Variants in PIGK observed in about 807,000 individuals in gnomAD.
The protein encoded by PIGK is phosphatidylinositol glycan anchor biosynthesis class K, also known as GPI-anchor transamidase.
In PIGK, 42 loss-of-function variants were observed where a neutral mutation model predicts 50.6. The ratio of observed to expected loss-of-function variants is 0.83; its 90% CI spans 0.65 to 1.07. The LOEUF (loss-of-function observed/expected upper bound fraction) is 1.07. Ranked by LOEUF, PIGK falls within the 50% of genes least tolerant of loss-of-function variation. The pLI, the probability that PIGK is intolerant of heterozygous loss-of-function variation, is 0.00. For missense variants in PIGK, 448 were observed against 488.7 expected (o/e 0.92, Z 0.78); for synonymous variants, 151 against 156.0 (o/e 0.97, Z 0.24).
At chr1:77,206,350 A>T (rs1421568579) in intron 3 of PIGK, among the ~76,000 whole-genome samples, 1 of 152,218 alleles carries the variant, frequency 6.6e-6, no homozygotes, top group Non-Finnish European at 1.5e-5. Context: ...CATTATCTGC[A>T]ATTAAAAACC....
Position 77,206,765 on chromosome 1 carries a change from CAT to C in PIGK, c.148-36_148-35del, listed in dbSNP as rs761118130. 8.0e-6 allele frequency: 10 copies of C among 1,250,652 alleles called. No individual in the cohort carries two copies. In the African/African-American group the frequency reaches 1.3e-4, roughly 17 times the overall value. 77.5% of individuals were successfully genotyped at this position (1,250,652 alleles called of 1,614,324 possible). A position where few individuals can be genotyped will look rare whatever the true frequency, so the allele number is the denominator to read the frequency against. Reference sequence around the variant, plus strand: ...TTAAAACAAAAACAGAATTTTTATGCATCAAGGCTAACCATGGAGCTGCAGAG... The same window carrying C: ...TTAAAACAAAAACAGAATTTTTATGCCAAGGCTAACCATGGAGCTGCAGAG... On this transcript the variant is annotated intron_variant, in intron 2 of 10. Transcript: ENST00000370812.
intron 8 of PIGK, 137 bp downstream of exon 8, chr1:77,161,158 G>A (rs1655119276): frequency 1.6e-6 from 1 of 613,566 alleles, no homozygotes; most frequent in South Asian, 2.1e-5. Context: ...CAGGTAAAAG[G>A]TAGATATCAA....
chr1:77,219,376 C>G lies in PIGK; in HGVS notation c.27G>C (p.Arg9=). 1.9e-6 allele frequency: 3 copies of G among 1,613,734 alleles called. No individual in the cohort carries two copies. The highest frequency in any genetic ancestry group is 2.5e-6 in the Non-Finnish European group (3 of 1,179,828). MAVTDSLS[R]AATVLATVLL... ...ACACAGTTGCCAAGACAGTCGCAGC[C>G]CGGCTGAGGCTGTCGGTGACGGCCA... Residue 9 remains arginine, a synonymous_variant, in exon 1 of 11, where the codon CGG becomes CGC. Transcript: ENST00000370812.
chr1:77,094,092 TCAAA>T (rs1336578971), intron 10 of PIGK, among the ~76,000 whole-genome samples: 3 of 152,176 alleles, frequency 2.0e-5, no homozygotes, highest in African/African-American at 7.2e-5. Context: ...TTTCTACTAG[TCAAA>T]CAATTTGTAA....
intron 3 of PIGK, among the ~76,000 whole-genome samples, chr1:77,202,036 C>G (rs1230420950): frequency 1.4e-5 from 2 of 139,518 alleles, no homozygotes; most frequent in East Asian, 4.0e-4. Context: ...CCACCCAGGG[C>G]AATGGAGTGA....
intron 3 of PIGK, among the ~76,000 whole-genome samples, chr1:77,172,292 T>G (rs911834300): frequency 1.3e-5 from 2 of 152,192 alleles, no homozygotes; most frequent in Non-Finnish European, 2.9e-5. Context: ...ACCCATATAC[T>G]GCCAAGTGCT....
intron 2 of PIGK, 93 bp from the exon 3 acceptor site, chr1:77,206,824 T>G: frequency 2.8e-6 from 2 of 714,492 alleles, no homozygotes; most frequent in Non-Finnish European, 4.9e-6. Context: ...CAGAGATCTC[T>G]AAGAAACAGT....
intron 3 of PIGK, among the ~76,000 whole-genome samples, chr1:77,205,636 G>A (rs895543128): frequency 1.3e-5 from 2 of 151,946 alleles, no homozygotes; most frequent in African/African-American, 4.8e-5. Flanking sequence ...GTGACTTAAA[G>A]AAAAATCACC....
chr1:77,218,734 T>C lies in PIGK; in HGVS notation c.93+576A>G, dbSNP rs533009250. Among the ~76,000 whole-genome samples, 212 of 152,236 alleles carry C rather than the reference T, an allele frequency of 1.4e-3. 1 individual carries two copies. The highest frequency in any genetic ancestry group is 6.8e-3 in the Middle Eastern group (2 of 294). On this transcript the variant is annotated intron_variant, in intron 1 of 10. Transcript: ENST00000370812. ...AGTATGGTGAATAGTAAAAGCATTA[T>C]AGAGCACCAGAACATCCTGTGTCCA...
intron 10 of PIGK, among the ~76,000 whole-genome samples, chr1:77,116,558 G>A (rs1469155241): frequency 9.0e-6 from 1 of 111,694 alleles, no homozygotes; most frequent in Non-Finnish European, 2.0e-5. Context: ...GTTTAAATGT[G>A]TCTCTGTGTG....
chr1:77,186,338 G>C (rs1383433717), intron 3 of PIGK, among the ~76,000 whole-genome samples: 1 of 152,222 alleles, frequency 6.6e-6, no homozygotes, highest in Non-Finnish European at 1.5e-5. Context: ...CAGCGGTAAA[G>C]GGAAATCTCC....
chr1:77,169,637 A>T (rs1378441492), intron 3 of PIGK, among the ~76,000 whole-genome samples: 2 of 152,102 alleles, frequency 1.3e-5, no homozygotes, highest in Non-Finnish European at 2.9e-5. Context: ...TTTTTTTCAT[A>T]TCCTTGTGTG....
intron 10 of PIGK, among the ~76,000 whole-genome samples, chr1:77,119,096 A>T (rs1378091871): frequency 6.6e-6 from 1 of 152,158 alleles, no homozygotes; most frequent in Non-Finnish European, 1.5e-5. Flanking sequence ...TAATATTCTG[A>T]TATCCGGTAA....
intron 9 of PIGK, among the ~76,000 whole-genome samples, chr1:77,125,482 TCA>T (rs1414293430): frequency 6.6e-6 from 1 of 152,210 alleles, no homozygotes; most frequent in Non-Finnish European, 1.5e-5. Context: ...AAATGATTAC[TCA>T]TTTTTATAAT....
chr1:77,164,968 G>A (rs1261211100), intron 5 of PIGK, among the ~76,000 whole-genome samples: 1 of 152,100 alleles, frequency 6.6e-6, no homozygotes, highest in Non-Finnish European at 1.5e-5. Flanking sequence ...AAAAGATCAG[G>A]TAGTAAATAT....
chr1:77,214,497 C>T (rs886335840), intron 1 of PIGK, among the ~76,000 whole-genome samples: 6 of 152,024 alleles, frequency 3.9e-5, no homozygotes, highest in Non-Finnish European at 5.9e-5. Context: ...ATAGAAGGAA[C>T]ACACCTAAAC....
chr1:77,138,702 C>T (rs1272954952), intron 9 of PIGK, among the ~76,000 whole-genome samples: 1 of 152,184 alleles, frequency 6.6e-6, no homozygotes, highest in African/African-American at 2.4e-5. Context: ...GATTAGCTTG[C>T]TTTCTCAAAT....
intron 10 of PIGK, among the ~76,000 whole-genome samples, chr1:77,096,302 A>G (rs1399092017): frequency 6.6e-6 from 1 of 152,176 alleles, no homozygotes; most frequent in East Asian, 1.9e-4. Context: ...ACATGGCCCT[A>G]ATTACCCATT....
At chr1:77,186,862 G>A (rs771468356) in intron 3 of PIGK, among the ~76,000 whole-genome samples, 5 of 152,236 alleles carry the variant, frequency 3.3e-5, no homozygotes, top group South Asian at 2.1e-4. Context: ...ACCATTCCTC[G>A]GCATGATTAG....
Sources: allele counts gnomAD v4.1 joint callset (sites outside exome capture counted in the v4.1 genomes callset), GRCh38; gene constraint gnomAD v4.1.1; transcripts MANE v1.5; gene names NCBI Gene and HGNC (gene_info 2026-07-23, HGNC 2026-07-21).